The following CELF2 variants were observed in gnomAD, a reference collection of about 807,000 sequenced individuals.
CELF2 encodes the protein CUGBP Elav-like family member 2.
Under a neutral mutation model 62.6 loss-of-function variants are expected in CELF2, and 8 were observed. The observed-to-expected ratio is 0.13, with a 90% CI of 0.07 to 0.23. CELF2 has a LOEUF of 0.23. Among genes scored for constraint, CELF2 ranks in the 10% least tolerant of loss-of-function variants. The pLI is 1.00. For synonymous variants in CELF2, 258 were observed against 250.0 expected (o/e 1.03, Z -0.30); for missense variants, 333 against 671.0 (o/e 0.50, Z 5.56).
chr10:10,926,109 G>A (rs1327553004), intron 2 of CELF2, among the ~76,000 whole-genome samples: 2 of 152,170 alleles, frequency 1.3e-5, no homozygotes, highest in African/African-American at 4.8e-5. Flanking sequence ...GGTTGAGTTT[G>A]TAGTTATGGT....
intron 1 of CELF2, among the ~76,000 whole-genome samples, chr10:11,062,630 A>T (rs1409129801): frequency 6.6e-6 from 1 of 152,224 alleles, no homozygotes; most frequent in Non-Finnish European, 1.5e-5. Flanking sequence ...CAGTGTCATG[A>T]TCAAACTTGA....
the CELF2 span, among the ~76,000 whole-genome samples, chr10:10,658,037 A>G: frequency 6.6e-6 from 1 of 152,234 alleles, no homozygotes; most frequent in Admixed American, 6.5e-5. Flanking sequence ...TATGAAACAG[A>G]GAGGAAAGTA....
the CELF2 span, among the ~76,000 whole-genome samples, chr10:10,524,614 G>A: frequency 4.0e-4 from 61 of 152,016 alleles, no homozygotes; most frequent in South Asian, 1.9e-3. Context: ...ATAGGCTTTC[G>A]AATTGATAGA....
At chr10:11,284,480 A>G (rs111165163) in intron 8 of CELF2, among the ~76,000 whole-genome samples, 74 of 130,078 alleles carry the variant, frequency 5.7e-4, no homozygotes, top group East Asian at 1.1e-3. Flanking sequence ...TGGTGGGTGG[A>G]TGAGGGATGA....
chr10:11,032,146 C>CAAAAAAAAAAAAAAAAAAAAAAAAAAAA (rs56364371), intron 1 of CELF2, among the ~76,000 whole-genome samples: 2 of 86,394 alleles, frequency 2.3e-5, no homozygotes, highest in East Asian at 2.3e-4. Flanking sequence ...AGGGCTTAGC[C>CAAAAAAAAAAAAAAAAAAAAAAAAAAAA]AAAAAAAAAA....
intron 1 of CELF2, among the ~76,000 whole-genome samples, chr10:11,028,893 T>C (rs2059682867): frequency 6.6e-6 from 1 of 152,070 alleles, no homozygotes; most frequent in Admixed American, 6.5e-5. Context: ...TTTGAACTTT[T>C]AATAGAGATG....
chr10:11,090,994 A>T (rs1030673076), intron 1 of CELF2, among the ~76,000 whole-genome samples: 5 of 152,236 alleles, frequency 3.3e-5, no homozygotes, highest in African/African-American at 1.2e-4. Flanking sequence ...ATTGAATATC[A>T]TTCTTTTATA....
chr10:11,230,543 T>C (rs778373333), intron 3 of CELF2, among the ~76,000 whole-genome samples: 11 of 152,214 alleles, frequency 7.2e-5, no homozygotes, highest in Non-Finnish European at 1.3e-4. Flanking sequence ...CCTCCCTGTT[T>C]CCTTCCAGAC....
At position 11,157,426 on chromosome 10, in the gene CELF2, T is replaced by C. The variant is rs548127350; in HGVS notation, c.75-8060T>C. On this transcript the variant is annotated intron_variant, in intron 1 of 12. Transcript: ENST00000633077. This position sits in a 1 kb window ranked among gnomAD's most constrained non-coding sequence, Gnocchi z 4.9. The stretch of plus-strand genomic sequence containing the variant: ...CACACACAAAAATTTCACTTAAACA[T>C]TGCTCACAGGGATGCAGCATAGTTC... Among the ~76,000 whole-genome samples, 50 of 152,170 alleles carry C rather than the reference T, an allele frequency of 3.3e-4. No homozygotes were observed. Among genetic ancestry groups the C allele is most frequent in the Admixed American group, 1.8e-3 (27 of 15,298 alleles).
the CELF2 span, among the ~76,000 whole-genome samples, chr10:10,493,821 C>CG: frequency 2.6e-5 from 4 of 152,080 alleles, no homozygotes; most frequent in African/African-American, 9.7e-5. Context: ...CCTGAGCCAC[C>CG]GTGCCCAGCT....
At chr10:10,976,140 A>G (rs534129109) in intron 2 of CELF2, among the ~76,000 whole-genome samples, 18 of 152,300 alleles carry the variant, frequency 1.2e-4, no homozygotes, top group Non-Finnish European at 2.5e-4. Flanking sequence ...CTTTTGTCAC[A>G]TCTGCTGGTT....
rs917264939 is a variant in CELF2, at chr10:11,316,603, G to A, written c.1096+2345G>A. 2.6e-5 allele frequency among the ~76,000 whole-genome samples: 4 copies of A among 152,104 alleles called. No individual in the cohort carries two copies. The highest frequency in any genetic ancestry group is 2.0e-4 in the Admixed American group (3 of 15,272). On this transcript the variant is annotated intron_variant, in intron 10 of 12. Transcript: ENST00000633077. This position sits in a 1 kb window ranked among gnomAD's most constrained non-coding sequence, Gnocchi z 4.4. ...CAAATAGTTGACGGCAGCTTCCATAGCACTGCTATGAATCCCACCCCACTG... is the reference window on the plus strand; with the variant it reads ...CAAATAGTTGACGGCAGCTTCCATAACACTGCTATGAATCCCACCCCACTG...
chr10:10,516,398 G>T, the CELF2 span, among the ~76,000 whole-genome samples: 1 of 152,154 alleles, frequency 6.6e-6, no homozygotes, highest in African/African-American at 2.4e-5. Context: ...TATAAAAAAT[G>T]TAAAATACAT....
intron 2 of CELF2, among the ~76,000 whole-genome samples, chr10:11,166,260 C>A (rs573240295): frequency 6.6e-6 from 1 of 152,132 alleles, no homozygotes; most frequent in Non-Finnish European, 1.5e-5. Flanking sequence ...GGAGCAGCAC[C>A]CTAGTGGCCT....
intron 1 of CELF2, among the ~76,000 whole-genome samples, chr10:11,149,316 T>A (rs1289893293): frequency 6.6e-6 from 1 of 152,196 alleles, no homozygotes; most frequent in East Asian, 1.9e-4. Flanking sequence ...ATGATCCACT[T>A]GCCTCAGCCT....
intron 1 of CELF2, among the ~76,000 whole-genome samples, chr10:11,119,651 C>T (rs1186486043): frequency 6.6e-6 from 1 of 151,844 alleles, no homozygotes; most frequent in Non-Finnish European, 1.5e-5. Flanking sequence ...AAATCAAAAA[C>T]CCTAGGAAAA....
chr10:11,051,164 C>T (rs1049163535), intron 1 of CELF2, among the ~76,000 whole-genome samples: 2 of 152,114 alleles, frequency 1.3e-5, no homozygotes, highest in Non-Finnish European at 2.9e-5. Context: ...TCTCTATAGT[C>T]TTTGGTTTCT....
chr10:10,773,770 T>C, the CELF2 span, among the ~76,000 whole-genome samples: 1 of 152,238 alleles, frequency 6.6e-6, no homozygotes, highest in Non-Finnish European at 1.5e-5. Flanking sequence ...TCTCTCAACC[T>C]TGACCTTTTC....
chr10:10,650,275 C>T, the CELF2 span, among the ~76,000 whole-genome samples: 1 of 152,178 alleles, frequency 6.6e-6, no homozygotes, highest in Non-Finnish European at 1.5e-5. Flanking sequence ...GTAGAAATGG[C>T]ATGCAAAGTG....
Sources: allele counts gnomAD v4.1 joint callset (sites outside exome capture counted in the v4.1 genomes callset), GRCh38; gene constraint gnomAD v4.1.1; non-coding constraint Gnocchi (gnomAD v3.1); transcripts MANE v1.5; gene names NCBI Gene and HGNC (gene_info 2026-07-23, HGNC 2026-07-21).